Variants in GPC5 observed in about 807,000 individuals in gnomAD.
GPC5 encodes glypican 5.
Under a neutral mutation model 53.9 loss-of-function variants are expected in GPC5, and 47 were observed. That is an observed-to-expected ratio of 0.87 (90% CI 0.69 to 1.11). GPC5 has a LOEUF of 1.11. Ranked by LOEUF, GPC5 falls within the 50% of genes most tolerant of loss-of-function variation. The pLI, the probability that GPC5 is intolerant of heterozygous loss-of-function variation, is 0.00. For synonymous variants in GPC5, 286 were observed against 263.3 expected, an observed-to-expected ratio of 1.09 and a Z score of -0.84; for missense variants, 748 against 713.1, an observed-to-expected ratio of 1.05 and a Z score of -0.56.
At chr13:92,806,723 C>G (rs1877114240) in intron 7 of GPC5, among the ~76,000 whole-genome samples, 1 of 152,036 alleles carries the variant, frequency 6.6e-6, no homozygotes, top group African/African-American at 2.4e-5. Flanking sequence ...TCAGTGCACA[C>G]ACGACTCTTA....
intron 6 of GPC5, among the ~76,000 whole-genome samples, chr13:92,115,766 C>T: frequency 6.6e-6 from 1 of 152,184 alleles, no homozygotes; most frequent in East Asian, 1.9e-4. Flanking sequence ...AGTTTGAGGG[C>T]ATTTAGGATT....
chr13:91,817,446 G>A (rs192400340), intron 5 of GPC5, among the ~76,000 whole-genome samples: 9 of 152,208 alleles, frequency 5.9e-5, no homozygotes, highest in East Asian at 5.8e-4. Flanking sequence ...TCCTTGTACC[G>A]GATGAAATAA....
rs79473548 is a variant in GPC5, at chr13:91,506,146, G to C, written c.325+57224G>C. Among the ~76,000 whole-genome samples, 347 of 152,192 alleles carry C rather than the reference G, an allele frequency of 2.3e-3. 2 individuals carry two copies. The highest frequency in any genetic ancestry group is 8.0e-3 in the African/African-American group (331 of 41,534). On this transcript the variant is annotated intron_variant, in intron 2 of 7. Coordinates refer to ENST00000377067, the MANE Select transcript of GPC5 (RefSeq NM_004466.6). Reference sequence around the variant, plus strand: ...GAGAGTAAATAAGTAGCCTATTTAAGTCAAGGTTTTCTGATTCCCAAGTTC... The same window carrying C: ...GAGAGTAAATAAGTAGCCTATTTAACTCAAGGTTTTCTGATTCCCAAGTTC...
chr13:91,671,940 AC>A (rs1296812907), intron 2 of GPC5, among the ~76,000 whole-genome samples: 15 of 152,142 alleles, frequency 9.9e-5, no homozygotes, highest in African/African-American at 3.6e-4. Flanking sequence ...ATAACACCTC[AC>A]ATCTACAACC....
intron 7 of GPC5, among the ~76,000 whole-genome samples, chr13:92,428,526 G>A (rs1226041792): frequency 6.6e-6 from 1 of 152,060 alleles, no homozygotes; most frequent in Non-Finnish European, 1.5e-5. Context: ...CTAGTCAGAC[G>A]AGTGGGTGTC....
intron 6 of GPC5, among the ~76,000 whole-genome samples, chr13:92,052,137 C>G (rs908977762): frequency 1.2e-4 from 18 of 152,128 alleles, no homozygotes; most frequent in African/African-American, 3.6e-4. Context: ...GGCCTGCACT[C>G]CTGAAATCTA....
chr13:92,347,925 T>C lies in GPC5; in HGVS notation c.1561+202936T>C, dbSNP rs1357268701. 1.6e-3 allele frequency among the ~76,000 whole-genome samples: 34 copies of C among 20,910 alleles called. 4 individuals carry two copies. In the African/African-American group the frequency reaches 0.019, roughly 12 times the overall value. The allele number at this position is 20,910 out of a possible 152,430, so 13.7% of individuals were successfully genotyped here. A position where few individuals can be genotyped will look rare whatever the true frequency, so the allele number is the denominator to read the frequency against. On this transcript the variant is annotated intron_variant, in intron 7 of 7. Transcript: ENST00000377067. ...TAATATATATATAATATATATATAT[T>C]ATATATACATCTTATATGTAAACCT...
chr13:92,656,987 T>G (rs151249059), intron 7 of GPC5, among the ~76,000 whole-genome samples: 1 of 152,232 alleles, frequency 6.6e-6, no homozygotes, highest in African/African-American at 2.4e-5. Context: ...AGGCAAAAGT[T>G]TTTTTGATAT....
chr13:91,429,602 G>A (rs1025483422), intron 1 of GPC5, among the ~76,000 whole-genome samples: 2 of 152,172 alleles, frequency 1.3e-5, no homozygotes, highest in Non-Finnish European at 2.9e-5. Flanking sequence ...TCACCTGGGC[G>A]AGAAATAGTA....
chr13:91,575,557 C>T (rs11843825), intron 2 of GPC5, among the ~76,000 whole-genome samples: 11,466 of 152,040 alleles, frequency 0.075, 1,437 homozygotes, highest in African/African-American at 0.26. Context: ...AGGGAGAACA[C>T]GCTATTTTAT....
At chr13:92,838,196 C>T (rs1282056206) in intron 7 of GPC5, among the ~76,000 whole-genome samples, 1 of 151,478 alleles carries the variant, frequency 6.6e-6, no homozygotes. Flanking sequence ...TGAAAGTAAA[C>T]CTACTCGGCC....
At chr13:91,949,040 G>T (rs149844257) in intron 6 of GPC5, among the ~76,000 whole-genome samples, 1 of 152,108 alleles carries the variant, frequency 6.6e-6, no homozygotes, top group Admixed American at 6.5e-5. Flanking sequence ...CCAGGTAGTC[G>T]TTACTATCTT....
intron 6 of GPC5, among the ~76,000 whole-genome samples, chr13:91,944,734 T>C (rs528800699): frequency 6.6e-6 from 1 of 152,340 alleles, no homozygotes; most frequent in South Asian, 2.1e-4. Flanking sequence ...GACTGAACTT[T>C]CTCCTGTGGT....
At chr13:92,514,520 A>G (rs534211765) in intron 7 of GPC5, among the ~76,000 whole-genome samples, 4 of 152,252 alleles carry the variant, frequency 2.6e-5, no homozygotes, top group African/African-American at 7.2e-5. Flanking sequence ...CCTTTTAAAC[A>G]TATGGGGTAG....
At chr13:92,105,302 T>G (rs2041501074) in intron 6 of GPC5, among the ~76,000 whole-genome samples, 1 of 152,240 alleles carries the variant, frequency 6.6e-6, no homozygotes, top group East Asian at 1.9e-4. Context: ...TAAATGCTCT[T>G]GGTAAAGATA....
chr13:91,837,649 T>C (rs1410603402), intron 5 of GPC5, among the ~76,000 whole-genome samples: 3 of 152,222 alleles, frequency 2.0e-5, no homozygotes, highest in Non-Finnish European at 4.4e-5. Context: ...TAACTTCTGC[T>C]GTCATTTAAC....
intron 7 of GPC5, among the ~76,000 whole-genome samples, chr13:92,432,643 G>T (rs140210809): frequency 2.0e-4 from 31 of 151,810 alleles, no homozygotes; most frequent in African/African-American, 7.0e-4. Flanking sequence ...CCAAAATGCT[G>T]GGATTAAAGG....
chr13:92,457,347 AC>A (rs1878308784), intron 7 of GPC5, among the ~76,000 whole-genome samples: 1 of 152,048 alleles, frequency 6.6e-6, no homozygotes, highest in Admixed American at 6.6e-5. Context: ...GTTGTGAAGG[AC>A]TATTCTGTGC....
chr13:91,959,716 T>A (rs1333619420), intron 6 of GPC5, among the ~76,000 whole-genome samples: 2 of 151,918 alleles, frequency 1.3e-5, no homozygotes, highest in Non-Finnish European at 2.9e-5. Flanking sequence ...TAATATAACA[T>A]AAGATTTCAT....
Sources: gnomAD v4.1 joint callset for allele counts (sites outside exome capture counted in the v4.1 genomes callset) on GRCh38, gnomAD v4.1.1 for gene constraint, MANE v1.5 for transcripts, NCBI Gene and HGNC (gene_info 2026-07-23, HGNC 2026-07-21) for gene names.